LRRC4C: variants seen among roughly 807,000 people sequenced by gnomAD.
LRRC4C encodes leucine rich repeat containing 4C, also known as leucine-rich repeat-containing protein 4C.
In LRRC4C, 5 loss-of-function variants were observed where a neutral mutation model predicts 33.6. The ratio of observed to expected loss-of-function variants is 0.15; its 90% CI spans 0.08 to 0.31. LRRC4C has a LOEUF of 0.31. Ranked by LOEUF, LRRC4C falls within the 10% of genes least tolerant of loss-of-function variation. The probability of loss-of-function intolerance (pLI) is 1.00; values close to 1 mark genes in which losing one functional copy is unlikely to be tolerated. For synonymous variants in LRRC4C, 329 were observed against 302.0 expected (o/e 1.09, Z -0.93); for missense variants, 560 against 796.7 (o/e 0.70, Z 3.58).
chr11:40,581,071 T>A (rs1958443960), intron 3 of LRRC4C, among the ~76,000 whole-genome samples: 1 of 151,340 alleles, frequency 6.6e-6, no homozygotes, highest in Non-Finnish European at 1.5e-5. Flanking sequence ...GGTCTTCTTG[T>A]TTTTATTCCT....
intron 2 of LRRC4C, among the ~76,000 whole-genome samples, chr11:40,677,939 A>G (rs1944483929): frequency 6.6e-6 from 1 of 152,184 alleles, no homozygotes; most frequent in African/African-American, 2.4e-5. Flanking sequence ...CACATAAACC[A>G]GGAATGATAG....
chr11:41,036,610 G>A (rs150083011), intron 1 of LRRC4C, among the ~76,000 whole-genome samples: 23 of 151,926 alleles, frequency 1.5e-4, no homozygotes, highest in African/African-American at 5.6e-4. Flanking sequence ...ATCAGACTGA[G>A]GTTCAAATTC....
At chr11:41,362,654 C>T (rs1952396985) in intron 1 of LRRC4C, among the ~76,000 whole-genome samples, 1 of 152,156 alleles carries the variant, frequency 6.6e-6, no homozygotes, top group Admixed American at 6.5e-5. Flanking sequence ...TCTTCTTTTA[C>T]AGTCTAGAGG....
intron 2 of LRRC4C, among the ~76,000 whole-genome samples, chr11:40,800,119 T>C (rs1245984913): frequency 6.6e-6 from 1 of 152,236 alleles, no homozygotes; most frequent in East Asian, 1.9e-4. Context: ...TTAAGTGTTT[T>C]CTCAATTAAT....
chr11:40,600,385 T>C lies in LRRC4C; in HGVS notation c.-270+47757A>G, dbSNP rs541551151. Reference sequence around the variant, plus strand: ...GTCCAAAGTAACAAATGAATTGTAGTATACTTTGAACTCAAAAGCAGGTCT... The same window carrying C: ...GTCCAAAGTAACAAATGAATTGTAGCATACTTTGAACTCAAAAGCAGGTCT... On this transcript the variant is annotated intron_variant, in intron 3 of 6. Coordinates refer to ENST00000528697, the MANE Select transcript of LRRC4C (RefSeq NM_001258419.2). Among the ~76,000 whole-genome samples, 4 of 152,326 alleles carry C rather than the reference T, an allele frequency of 2.6e-5. No individual in the cohort carries two copies. The East Asian group carries it at 5.8e-4, about 22-fold the overall frequency.
At position 41,076,580 on chromosome 11, in the gene LRRC4C, G is replaced by A. The variant is rs75141591; in HGVS notation, c.-495-142857C>T. Among the ~76,000 whole-genome samples the A allele has an allele frequency of 9.4e-3, 1,433 of 152,202 alleles. 22 individuals carry two copies. Among genetic ancestry groups the A allele is most frequent in the African/African-American group, 0.033 (1,375 of 41,532 alleles). ...AGAACAGCAAGGAGGAAATTTGCCC[G>A]TATGATCCAGTCACTCCCTACTGGG... On this transcript the variant is annotated intron_variant, in intron 1 of 6. Coordinates refer to ENST00000528697, the MANE Select transcript of LRRC4C (RefSeq NM_001258419.2).
chr11:40,628,134 G>A lies in LRRC4C; in HGVS notation c.-270+20008C>T, dbSNP rs1029563951. Among the ~76,000 whole-genome samples, 16 of 152,330 alleles carry A rather than the reference G, an allele frequency of 1.1e-4. No individual in the cohort carries two copies. In the East Asian group the frequency reaches 2.5e-3, roughly 24 times the overall value. Reference sequence around the variant, plus strand: ...ATTATAACCAGATAAAAGGTACTATGTGGTATTTAAAAGATCATAGGATAT... The same window carrying A: ...ATTATAACCAGATAAAAGGTACTATATGGTATTTAAAAGATCATAGGATAT... On this transcript the variant is annotated intron_variant, in intron 3 of 6. Coordinates refer to ENST00000528697, the MANE Select transcript of LRRC4C (RefSeq NM_001258419.2).
At chr11:41,337,047 T>C (rs1951478871) in intron 1 of LRRC4C, among the ~76,000 whole-genome samples, 1 of 151,932 alleles carries the variant, frequency 6.6e-6, no homozygotes, top group South Asian at 2.1e-4. Context: ...CATTAAATTC[T>C]TTTTCTTTTT....
intron 1 of LRRC4C, among the ~76,000 whole-genome samples, chr11:41,065,736 T>G (rs1196298342): frequency 1.3e-5 from 2 of 152,170 alleles, no homozygotes; most frequent in African/African-American, 4.8e-5. Context: ...CAATCTTTGC[T>G]GTTCTACAGC....
At chr11:40,186,278 C>T (rs1481416247) in intron 5 of LRRC4C, among the ~76,000 whole-genome samples, 3 of 152,154 alleles carry the variant, frequency 2.0e-5, no homozygotes, top group Non-Finnish European at 4.4e-5. Context: ...TAATGCTTTT[C>T]CCATTTTTCT....
chr11:41,226,004 T>C (rs1175002191), intron 1 of LRRC4C, among the ~76,000 whole-genome samples: 1 of 152,188 alleles, frequency 6.6e-6, no homozygotes, highest in Admixed American at 6.6e-5. Context: ...TAGACATGAC[T>C]GCTTTTACTA....
At chr11:40,819,084 A>G (rs1019626241) in intron 2 of LRRC4C, among the ~76,000 whole-genome samples, 1 of 152,162 alleles carries the variant, frequency 6.6e-6, no homozygotes, top group Non-Finnish European at 1.5e-5. Flanking sequence ...GGAGGTATCC[A>G]ATGATACGTA....
intron 1 of LRRC4C, among the ~76,000 whole-genome samples, chr11:41,365,762 C>A (rs1041328701): frequency 1.3e-5 from 2 of 152,092 alleles, no homozygotes; most frequent in African/African-American, 2.4e-5. Flanking sequence ...AGAAGTAGAA[C>A]AATGTGTGAG....
intron 5 of LRRC4C, among the ~76,000 whole-genome samples, chr11:40,212,840 A>G (rs1384512750): frequency 6.6e-6 from 1 of 152,152 alleles, no homozygotes; most frequent in Non-Finnish European, 1.5e-5. Flanking sequence ...TTAGCCTTCA[A>G]ACTTTGTTAC....
intron 1 of LRRC4C, among the ~76,000 whole-genome samples, chr11:41,263,199 T>C (rs1317095656): frequency 1.3e-5 from 2 of 152,186 alleles, no homozygotes; most frequent in Non-Finnish European, 2.9e-5. Flanking sequence ...GTGAAACCTA[T>C]GCTTCTGGGA....
rs149623109 is a variant in LRRC4C, at chr11:40,652,640, C to T, written c.-406-4362G>A. On this transcript the variant is annotated intron_variant, in intron 2 of 6. Transcript: ENST00000528697. ...TACAGAGTAGCTCCCTAAAATCTCACGTCCAGCTAGGAGCAGGGCTGGATG... is the reference window on the plus strand; with the variant it reads ...TACAGAGTAGCTCCCTAAAATCTCATGTCCAGCTAGGAGCAGGGCTGGATG... Among the ~76,000 whole-genome samples the T allele has an allele frequency of 4.7e-3, 715 of 152,304 alleles. 7 individuals carry two copies. Among genetic ancestry groups the T allele is most frequent in the African/African-American group, 0.016 (669 of 41,574 alleles).
At chr11:41,179,923 C>G (rs1269202267) in intron 1 of LRRC4C, among the ~76,000 whole-genome samples, 1 of 152,022 alleles carries the variant, frequency 6.6e-6, no homozygotes, top group Admixed American at 6.5e-5. Context: ...AGAAAGATAG[C>G]CAGTAAACAA....
intron 2 of LRRC4C, among the ~76,000 whole-genome samples, chr11:40,685,716 G>A (rs1381541827): frequency 6.6e-6 from 1 of 151,818 alleles, no homozygotes; most frequent in Non-Finnish European, 1.5e-5. Flanking sequence ...AATCAGAGAA[G>A]AGAGAGAACT....
chr11:41,181,341 G>C (rs1415786144), intron 1 of LRRC4C, among the ~76,000 whole-genome samples: 1 of 151,990 alleles, frequency 6.6e-6, no homozygotes, highest in African/African-American at 2.4e-5. Flanking sequence ...CTGAAACAGT[G>C]ATCTCTGGAA....
Sources: gnomAD v4.1 joint callset for allele counts (sites outside exome capture counted in the v4.1 genomes callset) on GRCh38, gnomAD v4.1.1 for gene constraint, MANE v1.5 for transcripts, NCBI Gene and HGNC (gene_info 2026-07-23, HGNC 2026-07-21) for gene names.